Variants in PXDNL observed in about 807,000 individuals in gnomAD.
The protein encoded by PXDNL is probable oxidoreductase PXDNL.
A neutral mutation model predicts 150.8 loss-of-function variants in PXDNL; 145 were observed. The ratio of observed to expected loss-of-function variants is 0.96; its 90% CI spans 0.84 to 1.10. PXDNL has a LOEUF of 1.10. PXDNL is among the 50% of genes least tolerant of loss of function. The probability of loss-of-function intolerance (pLI) is 0.00; values close to 1 mark genes in which losing one functional copy is unlikely to be tolerated. For missense variants in PXDNL, 2,087 were observed against 1,873.9 expected (o/e 1.11, Z -2.10); for synonymous variants, 757 against 725.7 (o/e 1.04, Z -0.69).
intron 19 of PXDNL, among the ~76,000 whole-genome samples, chr8:51,346,700 G>A (rs993170921): frequency 7.9e-5 from 12 of 152,054 alleles, no homozygotes; most frequent in African/African-American, 2.7e-4. Context: ...TTACAAGTGC[G>A]TGGGACCTCC....
intron 20 of PXDNL, among the ~76,000 whole-genome samples, chr8:51,341,901 T>TAAC (rs1563365354): frequency 6.6e-6 from 1 of 152,136 alleles, no homozygotes; most frequent in Non-Finnish European, 1.5e-5. Flanking sequence ...GTATGGAGAC[T>TAAC]CCTCAAAAAG....
intron 12 of PXDNL, among the ~76,000 whole-genome samples, chr8:51,427,688 C>T (rs1271608477): frequency 4.6e-5 from 7 of 152,128 alleles, no homozygotes; most frequent in Non-Finnish European, 7.4e-5. Context: ...CTATATTCAA[C>T]GCTCATTATG....
At chr8:51,391,357 A>C (rs975080602) in intron 17 of PXDNL, among the ~76,000 whole-genome samples, 17 of 152,156 alleles carry the variant, frequency 1.1e-4, no homozygotes, top group Non-Finnish European at 2.2e-4. Flanking sequence ...CAGTCCCACC[A>C]ACAGTGTAAA....
chr8:51,780,559 T>C (rs1284385324), intron 1 of PXDNL, among the ~76,000 whole-genome samples: 2 of 151,890 alleles, frequency 1.3e-5, no homozygotes, highest in African/African-American at 2.4e-5. Context: ...TACCATACGC[T>C]GAGTAGCTTA....
In PXDNL at chr8:51,423,691, TC is replaced by T. The variant is rs780031146; in HGVS notation, c.1678del (p.Asp560MetfsTer6). The stretch of plus-strand genomic sequence containing the variant: ...GTAGATAGTCAGCGTGCCTTCATCA[TC>T]CACATGGAATTTACCACTCTCAGTA... ...QITESGKFHVDDEGTLTIYDA... is the reference protein window; with the variant it reads ...QITESGKFHVXDEGTLTIYDA... On this transcript the variant is annotated frameshift_variant, in exon 14 of 23. Coordinates refer to ENST00000356297, the MANE Select transcript of PXDNL (RefSeq NM_144651.5). LOFTEE classifies it high-confidence loss of function. The T allele has an allele frequency of 1.2e-6, 2 of 1,613,880 alleles. No homozygotes were observed. The highest frequency in any genetic ancestry group is 4.5e-5 in the East Asian group (2 of 44,868).
chr8:51,742,986 G>A (rs925002515), intron 1 of PXDNL, among the ~76,000 whole-genome samples: 1 of 152,176 alleles, frequency 6.6e-6, no homozygotes, highest in Non-Finnish European at 1.5e-5. Flanking sequence ...TGAAATATAA[G>A]TGGAACAATA....
At chr8:51,399,678 C>T (rs947918031) in intron 17 of PXDNL, among the ~76,000 whole-genome samples, 2 of 152,156 alleles carry the variant, frequency 1.3e-5, no homozygotes, top group African/African-American at 2.4e-5. Flanking sequence ...GAATATTGTT[C>T]AAAGGCATCA....
chr8:51,804,289 G>T (rs556710726), intron 1 of PXDNL, among the ~76,000 whole-genome samples: 1 of 152,332 alleles, frequency 6.6e-6, no homozygotes, highest in African/African-American at 2.4e-5. Flanking sequence ...ATCGGATACA[G>T]ATATATCTCA....
intron 19 of PXDNL, among the ~76,000 whole-genome samples, chr8:51,353,492 A>C (rs1017126329): frequency 4.6e-5 from 7 of 152,192 alleles, no homozygotes; most frequent in African/African-American, 1.7e-4. Flanking sequence ...TTCTTGATAA[A>C]ATATTTATTT....
chr8:51,530,957 A>G (rs2130430254), intron 4 of PXDNL, among the ~76,000 whole-genome samples: 1 of 152,336 alleles, frequency 6.6e-6, no homozygotes, highest in Non-Finnish European at 1.5e-5. Flanking sequence ...CTAGCACAAA[A>G]TAGATGCTCA....
chr8:51,344,419 C>T (rs547794715), intron 20 of PXDNL, among the ~76,000 whole-genome samples: 2 of 152,246 alleles, frequency 1.3e-5, no homozygotes, highest in African/African-American at 4.8e-5. Flanking sequence ...ATGAATTGTA[C>T]CATTCTCCAA....
At chr8:51,608,653 C>A (rs28583186) in intron 2 of PXDNL, among the ~76,000 whole-genome samples, 1 of 145,538 alleles carries the variant, frequency 6.9e-6, no homozygotes, top group Non-Finnish European at 1.5e-5. Context: ...CTGGCTAACA[C>A]GGTGAAACCC....
chr8:51,641,234 C>T (rs1221301856), intron 2 of PXDNL, among the ~76,000 whole-genome samples: 1 of 121,990 alleles, frequency 8.2e-6, no homozygotes, highest in East Asian at 2.3e-4. Flanking sequence ...AAACGTTAGA[C>T]CTAAACCATA....
At chr8:51,647,373 A>G (rs1461527109) in intron 2 of PXDNL, among the ~76,000 whole-genome samples, 4 of 152,156 alleles carry the variant, frequency 2.6e-5, no homozygotes, top group African/African-American at 9.7e-5. Flanking sequence ...GGTGAAGAGA[A>G]CTTCTCAGAG....
intron 1 of PXDNL, among the ~76,000 whole-genome samples, chr8:51,783,457 C>T (rs1435025655): frequency 2.6e-5 from 4 of 152,164 alleles, no homozygotes; most frequent in Non-Finnish European, 5.9e-5. Context: ...CAGCTAGATG[C>T]TTTTGATTGG....
chr8:51,377,391 C>T (rs556845766), intron 17 of PXDNL, among the ~76,000 whole-genome samples: 144 of 152,316 alleles, frequency 9.5e-4, no homozygotes, highest in Non-Finnish European at 1.8e-3. Context: ...CCTCCTCAGC[C>T]TCAGTGGCCA....
intron 1 of PXDNL, among the ~76,000 whole-genome samples, chr8:51,771,841 G>A (rs1392172723): frequency 6.6e-6 from 1 of 152,130 alleles, no homozygotes; most frequent in Non-Finnish European, 1.5e-5. Flanking sequence ...GTGCTCCCTT[G>A]ATTCCACACC....
At chr8:51,467,825 G>A (rs1043698380) in intron 8 of PXDNL, among the ~76,000 whole-genome samples, 1 of 151,976 alleles carries the variant, frequency 6.6e-6, no homozygotes, top group Non-Finnish European at 1.5e-5. Context: ...ACACTTTCCT[G>A]AAACTAACCT....
chr8:51,543,710 CA>C (rs572642373), intron 4 of PXDNL, among the ~76,000 whole-genome samples: 427 of 60,414 alleles, frequency 7.1e-3, no homozygotes, highest in East Asian at 0.018. Context: ...GACTCCATAT[CA>C]AAAAAAAAAA....
Sources: gnomAD v4.1 joint callset for allele counts (sites outside exome capture counted in the v4.1 genomes callset) on GRCh38, gnomAD v4.1.1 for gene constraint, MANE v1.5 for transcripts, NCBI Gene and HGNC (gene_info 2026-07-23, HGNC 2026-07-21) for gene names.